Variants in KCNN2 observed in about 807,000 individuals in gnomAD.
KCNN2 encodes the protein small conductance calcium-activated potassium channel protein 2.
In KCNN2, 24 loss-of-function variants were observed where a neutral mutation model predicts 55.5. The observed-to-expected ratio is 0.43, with a 90% CI of 0.31 to 0.61. KCNN2 has a LOEUF of 0.61. Ranked by LOEUF, KCNN2 falls within the 20% of genes least tolerant of loss-of-function variation. KCNN2 has a pLI of 0.08. For synonymous variants in KCNN2, 431 were observed against 336.1 expected (o/e 1.28, Z -3.09); for missense variants, 754 against 853.6 (o/e 0.88, Z 1.45).
At chr5:114,484,028 C>T (rs980682496) in intron 5 of KCNN2, among the ~76,000 whole-genome samples, 2 of 152,038 alleles carry the variant, frequency 1.3e-5, no homozygotes, top group Non-Finnish European at 2.9e-5. Flanking sequence ...AATCTGTATA[C>T]CCTTGTTATC....
intron 1 of KCNN2, among the ~76,000 whole-genome samples, chr5:114,172,977 C>G (rs936190294): frequency 6.6e-6 from 1 of 151,884 alleles, no homozygotes; most frequent in Non-Finnish European, 1.5e-5. Flanking sequence ...GTTGCCAGTG[C>G]TTGTGGGGTA....
At chr5:114,482,888 G>A (rs34333534) in intron 5 of KCNN2, among the ~76,000 whole-genome samples, 1 of 151,908 alleles carries the variant, frequency 6.6e-6, no homozygotes, top group African/African-American at 2.4e-5. Context: ...GGAGGAGGGG[G>A]TAGGGGGAGT....
At chr5:114,060,457 A>C (rs1309405560) in intron 1 of KCNN2, among the ~76,000 whole-genome samples, 1 of 152,152 alleles carries the variant, frequency 6.6e-6, no homozygotes, top group Non-Finnish European at 1.5e-5. Flanking sequence ...GAAAGGGTGC[A>C]AGGAAGGAAG....
intron 3 of KCNN2, among the ~76,000 whole-genome samples, chr5:114,439,418 A>T (rs1760129236): frequency 1.3e-5 from 2 of 152,176 alleles, no homozygotes; most frequent in African/African-American, 4.8e-5. Context: ...CTTACTAAGG[A>T]TCAGTGTTAA....
At chr5:114,205,288 C>T (rs1240761058) in intron 1 of KCNN2, among the ~76,000 whole-genome samples, 2 of 152,190 alleles carry the variant, frequency 1.3e-5, no homozygotes, top group African/African-American at 2.4e-5. Flanking sequence ...GTGTGAAAGA[C>T]ACTGAGGATA....
At chr5:114,164,680 C>G (rs1053083589) in intron 1 of KCNN2, among the ~76,000 whole-genome samples, 1 of 152,046 alleles carries the variant, frequency 6.6e-6, no homozygotes, top group Non-Finnish European at 1.5e-5. Context: ...GAATTGAGTA[C>G]CTGAGATTGC....
At chr5:114,195,080 T>G (rs1753525737) in intron 1 of KCNN2, among the ~76,000 whole-genome samples, 1 of 152,022 alleles carries the variant, frequency 6.6e-6, no homozygotes, top group African/African-American at 2.4e-5. Context: ...CCACACTGTA[T>G]TAATTACTGT....
intron 3 of KCNN2, among the ~76,000 whole-genome samples, chr5:114,411,358 T>C (rs928462495): frequency 2.0e-5 from 3 of 152,048 alleles, no homozygotes; most frequent in African/African-American, 7.2e-5. Context: ...GATATAAATA[T>C]ATGAGAGGAG....
At chr5:114,313,303 C>A (rs1485127067) in intron 2 of KCNN2, among the ~76,000 whole-genome samples, 1 of 152,032 alleles carries the variant, frequency 6.6e-6, no homozygotes, top group African/African-American at 2.4e-5. Flanking sequence ...CATTTAATTC[C>A]CCCCTCCACA....
chr5:114,231,549 C>A (rs1181617310), intron 2 of KCNN2, among the ~76,000 whole-genome samples: 4 of 151,002 alleles, frequency 2.6e-5, no homozygotes, highest in African/African-American at 9.9e-5. Context: ...AAATTTTGTT[C>A]TTTGATTTTA....
rs116135424 is a variant in KCNN2, at chr5:114,085,849, A to T, written c.-271+29349A>T. ...GTTGAAACCTCTAGTAATAGTTATT[A>T]TGTTATCCGTTCCTTTTTTAAGTTC... On this transcript the variant is annotated intron_variant, in intron 1 of 10. Coordinates refer to the KCNN2 transcript ENST00000512097. Among the ~76,000 whole-genome samples the T allele has an allele frequency of 4.1e-3, 630 of 152,146 alleles. 5 individuals are homozygous for T. The highest frequency in any genetic ancestry group is 0.014 in the African/African-American group (584 of 41,546).
chr5:114,186,843 C>T (rs1188012223), intron 1 of KCNN2, among the ~76,000 whole-genome samples: 2 of 152,010 alleles, frequency 1.3e-5, no homozygotes, highest in African/African-American at 4.8e-5. Flanking sequence ...AGAGAGGATA[C>T]ATATTTTGTA....
intron 3 of KCNN2, among the ~76,000 whole-genome samples, chr5:114,450,892 T>G (rs1294975941): frequency 1.3e-5 from 2 of 152,264 alleles, no homozygotes; most frequent in Non-Finnish European, 2.9e-5. Flanking sequence ...GTTTATAATT[T>G]TCTTAGCTTA....
chr5:114,060,646 GC>G (rs1750306980), intron 1 of KCNN2, among the ~76,000 whole-genome samples: 1 of 152,138 alleles, frequency 6.6e-6, no homozygotes, highest in Non-Finnish European at 1.5e-5. Context: ...TTCCATTCTG[GC>G]TCTACCATAT....
At chr5:114,201,556 G>A (rs1218622562) in intron 1 of KCNN2, among the ~76,000 whole-genome samples, 1 of 152,108 alleles carries the variant, frequency 6.6e-6, no homozygotes, top group Non-Finnish European at 1.5e-5. Flanking sequence ...ATTGTACTAG[G>A]TATGCTTAGG....
At chr5:114,283,730 T>G (rs1264031801) in intron 2 of KCNN2, among the ~76,000 whole-genome samples, 1 of 152,194 alleles carries the variant, frequency 6.6e-6, no homozygotes, top group Non-Finnish European at 1.5e-5. Flanking sequence ...AAAGAAATTT[T>G]ATTTTTTGTA....
intron 5 of KCNN2, chr5:114,486,634 A>G: frequency 2.6e-6 from 2 of 783,492 alleles, no homozygotes; most frequent in Non-Finnish European, 3.7e-6. Context: ...ACAGCCAGAA[A>G]TACCAAGCAG....
chr5:114,483,410 G>C (rs1261474816), intron 5 of KCNN2, among the ~76,000 whole-genome samples: 1 of 151,712 alleles, frequency 6.6e-6, no homozygotes, highest in African/African-American at 2.4e-5. Flanking sequence ...AAGTAGCTGG[G>C]ACTACAGGCA....
At chr5:114,267,315 C>G (rs1010496238) in intron 2 of KCNN2, among the ~76,000 whole-genome samples, 6 of 152,114 alleles carry the variant, frequency 3.9e-5, no homozygotes, top group Non-Finnish European at 2.9e-5. Flanking sequence ...CTTAATGAAG[C>G]TTTCCTAGGC....
Sources: gnomAD v4.1 joint callset for allele counts (sites outside exome capture counted in the v4.1 genomes callset) on GRCh38, gnomAD v4.1.1 for gene constraint, MANE v1.5 for transcripts, NCBI Gene and HGNC (gene_info 2026-07-23, HGNC 2026-07-21) for gene names.